Variants in DPP10 observed in about 807,000 individuals in gnomAD.
DPP10 encodes the protein dipeptidyl peptidase like 10.
A neutral mutation model predicts 120.9 loss-of-function variants in DPP10; 33 were observed. The observed-to-expected ratio is 0.27, with a 90% CI of 0.21 to 0.37. DPP10 has a LOEUF of 0.37. Ranked by LOEUF, DPP10 falls within the 10% of genes least tolerant of loss-of-function variation. The pLI is 1.00. For synonymous variants in DPP10, 337 were observed against 326.1 expected (o/e 1.03, Z -0.36); for missense variants, 816 against 942.8 (o/e 0.87, Z 1.76).
At chr2:115,222,303 C>T (rs2057213112) in intron 1 of DPP10, among the ~76,000 whole-genome samples, 1 of 152,138 alleles carries the variant, frequency 6.6e-6, no homozygotes, top group African/African-American at 2.4e-5. Flanking sequence ...TCAGCCATGA[C>T]TTCTCATTGG....
Position 114,473,583 on chromosome 2 carries a change from G to A in DPP10, c.60+30745G>A, listed in dbSNP as rs796608185. Among the ~76,000 whole-genome samples, 11 of 152,312 alleles carry A rather than the reference G, an allele frequency of 7.2e-5. 1 individual carries two copies. The highest frequency in any genetic ancestry group is 2.6e-4 in the African/African-American group (11 of 41,586). On this transcript the variant is annotated intron_variant, in intron 1 of 25. Transcript: ENST00000410059. Reference sequence around the variant, plus strand: ...TGTAGGTTAAAGTGAGTTCATCACAGGCAATCGAAGATGTAGTTTAAAGAT... The same window carrying A: ...TGTAGGTTAAAGTGAGTTCATCACAAGCAATCGAAGATGTAGTTTAAAGAT...
At chr2:114,783,543 C>T (rs983173217) in intron 1 of DPP10, among the ~76,000 whole-genome samples, 4 of 152,230 alleles carry the variant, frequency 2.6e-5, no homozygotes, top group African/African-American at 9.6e-5. Context: ...GTAACTTAAA[C>T]TGTTTCCCAT....
intron 1 of DPP10, among the ~76,000 whole-genome samples, chr2:115,152,426 G>A (rs898246808): frequency 1.3e-5 from 2 of 152,096 alleles, no homozygotes; most frequent in African/African-American, 4.8e-5. Flanking sequence ...TTACATACAT[G>A]GCATTTGACC....
chr2:115,039,232 G>A (rs1481202500), intron 1 of DPP10, among the ~76,000 whole-genome samples: 3 of 152,170 alleles, frequency 2.0e-5, no homozygotes, highest in Admixed American at 2.0e-4. Flanking sequence ...GAAAGTAAAG[G>A]ATCAGATATT....
intron 7 of DPP10, among the ~76,000 whole-genome samples, chr2:115,696,153 T>C (rs1330248726): frequency 6.6e-6 from 1 of 152,052 alleles, no homozygotes; most frequent in East Asian, 1.9e-4. Flanking sequence ...ATTATGGGAA[T>C]GTTAGAAGTA....
At position 115,836,146 on chromosome 2, in the gene DPP10, T is replaced by A; in HGVS notation, c.1951-11T>A. ...TATATATATATATATATATATATTT[T>A]TCCCCCCCAGGGTTATGGTGGCTAT... On this transcript the variant is annotated splice_polypyrimidine_tract_variant and intron_variant, in intron 21 of 25. Coordinates refer to ENST00000410059, the MANE Select transcript of DPP10 (RefSeq NM_020868.6). The A allele has an allele frequency of 1.4e-6, 2 of 1,444,696 alleles. No individual in the cohort carries two copies. The highest frequency in any genetic ancestry group is 1.9e-6 in the Non-Finnish European group (2 of 1,071,400). The allele number at this position is 1,444,696 out of a possible 1,614,324, so 89.5% of individuals were successfully genotyped here. A position where few individuals can be genotyped will look rare whatever the true frequency, so the allele number is the denominator to read the frequency against.
chr2:114,494,497 G>T (rs1682328865), intron 1 of DPP10, among the ~76,000 whole-genome samples: 1 of 152,180 alleles, frequency 6.6e-6, no homozygotes, highest in African/African-American at 2.4e-5. Context: ...GAGTTTGACA[G>T]TTGTGCATGG....
chr2:115,272,222 T>G (rs1447869885), intron 1 of DPP10, among the ~76,000 whole-genome samples: 1 of 152,234 alleles, frequency 6.6e-6, no homozygotes, highest in Non-Finnish European at 1.5e-5. Flanking sequence ...TTAGGATATG[T>G]GGACTATTAG....
intron 5 of DPP10, among the ~76,000 whole-genome samples, chr2:115,572,172 A>G (rs1380274321): frequency 1.3e-5 from 2 of 152,030 alleles, no homozygotes; most frequent in African/African-American, 4.8e-5. Flanking sequence ...ATGCATTTTT[A>G]TAGGTATGCT....
chr2:114,663,660 T>TAG (rs1485631969), intron 1 of DPP10, among the ~76,000 whole-genome samples: 2,970 of 91,206 alleles, frequency 0.033, 47 homozygotes, highest in Middle Eastern at 0.049. Flanking sequence ...TATATATATA[T>TAG]ATATATATAG....
At chr2:114,828,382 A>T (rs192848647) in intron 1 of DPP10, 6 of 152,368 alleles carry the variant, frequency 3.9e-5, no homozygotes, top group African/African-American at 1.4e-4. Flanking sequence ...TATCATTGTT[A>T]GATATAGAAA....
chr2:114,637,770 A>G (rs975357629), intron 1 of DPP10, among the ~76,000 whole-genome samples: 2 of 151,568 alleles, frequency 1.3e-5, no homozygotes, highest in Non-Finnish European at 2.9e-5. Flanking sequence ...ATTTTTGTCA[A>G]CTTTGTCAAA....
intron 1 of DPP10, among the ~76,000 whole-genome samples, chr2:115,170,743 T>A (rs2053256980): frequency 6.6e-6 from 1 of 152,144 alleles, no homozygotes; most frequent in Non-Finnish European, 1.5e-5. Context: ...TTGACACCCA[T>A]AGTGAGAGTG....
chr2:115,768,799 G>A (rs573219136), intron 13 of DPP10, among the ~76,000 whole-genome samples: 92 of 151,956 alleles, frequency 6.1e-4, no homozygotes, highest in African/African-American at 2.1e-3. Context: ...ATACTCAAAG[G>A]AACCTAAATG....
chr2:115,326,481 G>A (rs1300028178), intron 2 of DPP10, among the ~76,000 whole-genome samples: 2 of 151,992 alleles, frequency 1.3e-5, no homozygotes, highest in Non-Finnish European at 2.9e-5. Flanking sequence ...ATTTTACAGT[G>A]CATTCCTTCT....
At chr2:114,555,265 C>A (rs1234156906) in intron 1 of DPP10, among the ~76,000 whole-genome samples, 1 of 152,116 alleles carries the variant, frequency 6.6e-6, no homozygotes, top group Non-Finnish European at 1.5e-5. Context: ...GGCAGGACAT[C>A]AAAATTGGTT....
chr2:114,814,215 G>A (rs544522314), intron 1 of DPP10, among the ~76,000 whole-genome samples: 28 of 152,256 alleles, frequency 1.8e-4, no homozygotes, highest in South Asian at 1.7e-3. Flanking sequence ...GGTTTGGAAT[G>A]GTAGTAACTT....
intron 12 of DPP10, among the ~76,000 whole-genome samples, chr2:115,764,519 A>G (rs1291954465): frequency 1.3e-5 from 2 of 152,082 alleles, no homozygotes; most frequent in African/African-American, 4.8e-5. Flanking sequence ...AACACATAAT[A>G]CTTATGCATT....
intron 1 of DPP10, among the ~76,000 whole-genome samples, chr2:114,725,257 G>A (rs1038952606): frequency 2.6e-5 from 4 of 152,192 alleles, no homozygotes; most frequent in Non-Finnish European, 5.9e-5. Flanking sequence ...AAGTCATTTC[G>A]AACTCCTCTC....
Sources: allele counts gnomAD v4.1 joint callset (sites outside exome capture counted in the v4.1 genomes callset), GRCh38; gene constraint gnomAD v4.1.1; transcripts MANE v1.5; gene names NCBI Gene and HGNC (gene_info 2026-07-23, HGNC 2026-07-21).